CCSER1: variants seen among roughly 807,000 people sequenced by gnomAD.
CCSER1 encodes the protein coiled-coil serine rich protein 1, also known as serine-rich coiled-coil domain-containing protein 1.
CCSER1 carries 41 observed loss-of-function variants against 82.0 expected under a neutral mutation model. That is an observed-to-expected ratio of 0.50 (90% CI 0.39 to 0.65). CCSER1 has a LOEUF of 0.65. Among genes scored for constraint, CCSER1 ranks in the 30% least tolerant of loss-of-function variants. CCSER1 has a pLI of 0.00. For synonymous variants in CCSER1, 414 were observed against 383.9 expected, an observed-to-expected ratio of 1.08 and a Z score of -0.92; for missense variants, 1,119 against 1,064.2, an observed-to-expected ratio of 1.05 and a Z score of -0.72.
At chr4:91,417,021 C>G (rs1394176872) in intron 10 of CCSER1, among the ~76,000 whole-genome samples, 1 of 151,976 alleles carries the variant, frequency 6.6e-6, no homozygotes, top group Admixed American at 6.6e-5. Flanking sequence ...AAAAACTGAA[C>G]AACCCCATTA....
At chr4:90,421,308 G>A (rs979153501) in intron 4 of CCSER1, among the ~76,000 whole-genome samples, 11 of 152,056 alleles carry the variant, frequency 7.2e-5, no homozygotes, top group African/African-American at 2.7e-4. Context: ...AGCTTATGAT[G>A]GAATTGGGAA....
At chr4:91,244,952 GAATC>G (rs1739647854) in intron 10 of CCSER1, among the ~76,000 whole-genome samples, 1 of 151,956 alleles carries the variant, frequency 6.6e-6, no homozygotes. Context: ...TAATTTAAAA[GAATC>G]AAGCATAAAT....
intron 1 of CCSER1, among the ~76,000 whole-genome samples, chr4:90,261,434 C>T (rs1490342344): frequency 6.6e-6 from 1 of 152,154 alleles, no homozygotes; most frequent in Non-Finnish European, 1.5e-5. Flanking sequence ...AACTCAGTTC[C>T]TTCTAGTTTG....
chr4:90,960,375 T>C (rs1269760175), intron 9 of CCSER1, among the ~76,000 whole-genome samples: 1 of 152,132 alleles, frequency 6.6e-6, no homozygotes, highest in East Asian at 1.9e-4. Context: ...TTCCCCACAG[T>C]AGAAATATTT....
chr4:90,657,694 A>G (rs879773730), intron 6 of CCSER1, among the ~76,000 whole-genome samples: 1 of 152,200 alleles, frequency 6.6e-6, no homozygotes, highest in Admixed American at 6.5e-5. Flanking sequence ...CAATTATCAT[A>G]TGTTTTAGTC....
At chr4:91,298,574 A>C (rs900992120) in intron 10 of CCSER1, among the ~76,000 whole-genome samples, 3 of 152,032 alleles carry the variant, frequency 2.0e-5, no homozygotes, top group African/African-American at 4.8e-5. Context: ...TCAAAAAAGC[A>C]CTTAGAACAT....
chr4:90,735,814 G>A (rs1015670867), intron 7 of CCSER1, among the ~76,000 whole-genome samples: 2 of 151,968 alleles, frequency 1.3e-5, no homozygotes, highest in East Asian at 3.9e-4. Context: ...TATTTGAAGT[G>A]TTTCTACTTT....
At chr4:91,243,768 C>T (rs1739557314) in intron 10 of CCSER1, among the ~76,000 whole-genome samples, 1 of 152,174 alleles carries the variant, frequency 6.6e-6, no homozygotes, top group Admixed American at 6.5e-5. Flanking sequence ...CAGTAATACC[C>T]ACGGAGTATG....
intron 8 of CCSER1, among the ~76,000 whole-genome samples, chr4:90,910,163 C>T (rs1028439283): frequency 4.6e-5 from 7 of 152,110 alleles, no homozygotes; most frequent in South Asian, 2.1e-4. Context: ...AACCACATCT[C>T]GTGAGAACTC....
Position 90,309,050 on chromosome 4 carries a change from A to T in CCSER1, c.766A>T (p.Thr256Ser). 6.2e-7 allele frequency: 1 copy of T among 1,613,852 alleles called. No homozygotes were observed. Among genetic ancestry groups the T allele is most frequent in the Non-Finnish European group, 8.5e-7 (1 of 1,179,848 alleles). ...TTCTGCTGATCTTACCACAGCTCAGACACCTTCAGAATTTTTAGCCTTGAC... is the reference window on the plus strand; with the variant it reads ...TTCTGCTGATCTTACCACAGCTCAGTCACCTTCAGAATTTTTAGCCTTGAC... Reference protein sequence around the residue: ...LLSADLTTAQTPSEFLALTED... With the variant: ...LLSADLTTAQSPSEFLALTED... Residue 256 changes from threonine to serine, a missense_variant, in exon 2 of 11, where the codon ACA becomes TCA. Thr to Ser is a moderately conservative substitution (Grantham distance 58). Coordinates refer to ENST00000509176, the MANE Select transcript of CCSER1 (RefSeq NM_001145065.2).
At chr4:90,341,032 G>A (rs1040415896) in intron 3 of CCSER1, among the ~76,000 whole-genome samples, 6 of 151,974 alleles carry the variant, frequency 3.9e-5, no homozygotes, top group Admixed American at 6.6e-5. Context: ...ATGAGTTTTC[G>A]CTGTAAAGAG....
At position 91,605,272 on chromosome 4, in the gene CCSER1, C is replaced by T. The variant is rs568137998; in HGVS notation, c.*6215C>T. 1.3e-5 allele frequency: 2 copies of T among 152,098 alleles called. No individual in the cohort carries two copies. Among genetic ancestry groups the T allele is most frequent in the South Asian group, 2.1e-4 (1 of 4,830 alleles). The allele number at this position is 152,098 out of a possible 1,614,324, so 9.4% of individuals were successfully genotyped here. On this transcript the variant is annotated 3_prime_UTR_variant, in exon 11 of 11. Coordinates refer to ENST00000509176, the MANE Select transcript of CCSER1 (RefSeq NM_001145065.2). ...TAGAAAAATATGCATATTTCCTGCT[C>T]ATAATAAATTTTAAAACAACAAATT...
intron 8 of CCSER1, among the ~76,000 whole-genome samples, chr4:90,854,264 A>G (rs1044481484): frequency 1.3e-5 from 2 of 152,166 alleles, no homozygotes; most frequent in Non-Finnish European, 2.9e-5. Context: ...TACAAGGTAA[A>G]CCAGTTTGGC....
Position 91,598,765 on chromosome 4 carries a change from A to G in CCSER1, c.2411A>G (p.Lys804Arg), listed in dbSNP as rs1764701000. 1 of 1,551,678 alleles carries G rather than the reference A, an allele frequency of 6.4e-7. No individual in the cohort carries two copies. Residue 804 changes from lysine (K) to arginine (R), a missense_variant, in exon 11 of 11, where the codon AAA becomes AGA. Coordinates refer to ENST00000509176, the MANE Select transcript of CCSER1 (RefSeq NM_001145065.2). ...LKDKELAEVI[K>R]HSRGTYETLT... ...GACAAGGAACTAGCAGAAGTTATCA[A>G]ACATTCAAGAGGAACTTATGAAACC... is the stretch of plus-strand genomic sequence containing the variant.
intron 3 of CCSER1, among the ~76,000 whole-genome samples, chr4:90,361,726 C>A (rs972622005): frequency 2.6e-5 from 4 of 152,120 alleles, no homozygotes; most frequent in Non-Finnish European, 4.4e-5. Flanking sequence ...TGTTTTGCTG[C>A]CATTTTTAAG....
chr4:90,797,367 C>T (rs1319766657), intron 7 of CCSER1, among the ~76,000 whole-genome samples: 2 of 151,772 alleles, frequency 1.3e-5, no homozygotes, highest in East Asian at 1.9e-4. Flanking sequence ...TTTGAACCTA[C>T]GTCATTGCAT....
intron 10 of CCSER1, among the ~76,000 whole-genome samples, chr4:91,590,137 T>A (rs1764196533): frequency 6.6e-6 from 1 of 152,032 alleles, no homozygotes; most frequent in African/African-American, 2.4e-5. Context: ...TCACCTTGCT[T>A]ATCTCATGCA....
intron 10 of CCSER1, among the ~76,000 whole-genome samples, chr4:91,377,390 T>A (rs1750508669): frequency 6.6e-6 from 1 of 152,178 alleles, no homozygotes; most frequent in Non-Finnish European, 1.5e-5. Flanking sequence ...TTCCTATTTC[T>A]CTACATCCTC....
intron 10 of CCSER1, among the ~76,000 whole-genome samples, chr4:91,514,808 C>T (rs1017778169): frequency 2.0e-5 from 3 of 152,124 alleles, no homozygotes; most frequent in Non-Finnish European, 2.9e-5. Context: ...ACAGCAGGCT[C>T]ACAATACAGG....
Sources: allele counts gnomAD v4.1 joint callset (sites outside exome capture counted in the v4.1 genomes callset), GRCh38; gene constraint gnomAD v4.1.1; transcripts MANE v1.5; gene names NCBI Gene and HGNC (gene_info 2026-07-23, HGNC 2026-07-21).